Variants in FOXP1 observed in about 807,000 individuals in gnomAD.
FOXP1 encodes forkhead box P1.
FOXP1 carries 15 observed loss-of-function variants against 98.2 expected under a neutral mutation model. The ratio of observed to expected loss-of-function variants is 0.15; its 90% CI spans 0.10 to 0.24. FOXP1 has a LOEUF of 0.24. FOXP1 is among the 10% of genes least tolerant of loss of function. The probability of loss-of-function intolerance (pLI) is 1.00; values close to 1 mark genes in which losing one functional copy is unlikely to be tolerated. For missense variants in FOXP1, 633 were observed against 848.5 expected, an observed-to-expected ratio of 0.75 and a Z score of 3.15; for synonymous variants, 371 against 314.5, an observed-to-expected ratio of 1.18 and a Z score of -1.90.
intron 5 of FOXP1, among the ~76,000 whole-genome samples, chr3:71,282,781 G>A (rs903185029): frequency 9.2e-5 from 14 of 152,038 alleles, no homozygotes; most frequent in Non-Finnish European, 1.8e-4. Flanking sequence ...CATTCTACCC[G>A]TTTCACAGAT....
chr3:71,089,670 GA>G (rs1199636027), intron 7 of FOXP1, among the ~76,000 whole-genome samples: 1 of 152,168 alleles, frequency 6.6e-6, no homozygotes, highest in Non-Finnish European at 1.5e-5. Flanking sequence ...TCCTAGTTAA[GA>G]AAGAGGAACT....
chr3:71,278,389 T>G (rs955869775), intron 5 of FOXP1, among the ~76,000 whole-genome samples: 1 of 152,182 alleles, frequency 6.6e-6, no homozygotes, highest in African/African-American at 2.4e-5. Context: ...AAAGGTGGTC[T>G]ATGGTATCTC....
chr3:71,349,784 G>GA (rs1483439870), intron 4 of FOXP1, among the ~76,000 whole-genome samples: 3 of 151,974 alleles, frequency 2.0e-5, no homozygotes, highest in Non-Finnish European at 4.4e-5. Flanking sequence ...ATTGACAGAG[G>GA]GCTTACCAGG....
chr3:71,152,545 G>A lies in FOXP1; in HGVS notation c.181-39908C>T, dbSNP rs187417412. On this transcript the variant is annotated intron_variant, in intron 6 of 20. Coordinates refer to ENST00000649528, the MANE Select transcript of FOXP1 (RefSeq NM_001349338.3). ...GCTGAGCCCCACCTGAAACCGCTTTGTGGAGGAGGCCCCCAGCGTGTGGGG... is the reference window on the plus strand; with the variant it reads ...GCTGAGCCCCACCTGAAACCGCTTTATGGAGGAGGCCCCCAGCGTGTGGGG... 2.2e-4 allele frequency among the ~76,000 whole-genome samples: 33 copies of A among 152,278 alleles called. No individual in the cohort carries two copies. The East Asian group carries it at 5.4e-3, about 25-fold the overall frequency.
rs543891096 is a variant in FOXP1, at chr3:70,956,691, T to G, written c.*2556A>C. Reference sequence around the variant, plus strand: ...GCACAGGGCCCCCTTCCCATGACCCTGTCTGGCTACTGCCTGCACATCATG... The same window carrying G: ...GCACAGGGCCCCCTTCCCATGACCCGGTCTGGCTACTGCCTGCACATCATG... On this transcript the variant is annotated 3_prime_UTR_variant, in exon 21 of 21. Coordinates refer to ENST00000649528, the MANE Select transcript of FOXP1 (RefSeq NM_001349338.3). The G allele has an allele frequency of 6.0e-6, 1 of 165,908 alleles. No homozygotes were observed. The highest frequency in any genetic ancestry group is 1.2e-5 in the Non-Finnish European group (1 of 80,844). 10.3% of individuals were successfully genotyped at this position (165,908 alleles called of 1,614,324 possible).
chr3:71,078,888 C>T (rs1162560161), intron 7 of FOXP1, among the ~76,000 whole-genome samples: 1 of 152,076 alleles, frequency 6.6e-6, no homozygotes, highest in Non-Finnish European at 1.5e-5. Flanking sequence ...CTAGTGTGAC[C>T]TTTGCTTCTC....
chr3:71,033,436 T>G (rs549287598), intron 11 of FOXP1, among the ~76,000 whole-genome samples: 2 of 152,092 alleles, frequency 1.3e-5, no homozygotes, highest in South Asian at 4.2e-4. Context: ...ATGATGTCAT[T>G]TTATTGGAAA....
intron 7 of FOXP1, among the ~76,000 whole-genome samples, chr3:71,086,929 T>C (rs2055169085): frequency 6.6e-6 from 1 of 152,118 alleles, no homozygotes; most frequent in Admixed American, 6.5e-5. Flanking sequence ...GAGAAAATAA[T>C]GACTTTGGAA....
At chr3:71,035,703 G>T (rs2106762775) in intron 11 of FOXP1, among the ~76,000 whole-genome samples, 1 of 151,970 alleles carries the variant, frequency 6.6e-6, no homozygotes, top group African/African-American at 2.4e-5. Context: ...GGGGAAGAAA[G>T]ATTTAAAATA....
At chr3:71,310,772 T>C (rs1333901340) in intron 4 of FOXP1, among the ~76,000 whole-genome samples, 2 of 152,210 alleles carry the variant, frequency 1.3e-5, no homozygotes, top group Non-Finnish European at 2.9e-5. Context: ...GGAATTCTGC[T>C]AATTGTTTAA....
intron 3 of FOXP1, among the ~76,000 whole-genome samples, chr3:71,437,065 A>G (rs1289141496): frequency 1.3e-5 from 2 of 152,214 alleles, no homozygotes; most frequent in Non-Finnish European, 2.9e-5. Flanking sequence ...GAAAGCTGGC[A>G]TTAACGTTTC....
Position 70,955,963 on chromosome 3 carries a change from A to G in FOXP1, c.*3284T>C, listed in dbSNP as rs550648036. On this transcript the variant is annotated 3_prime_UTR_variant, in exon 21 of 21. Coordinates refer to ENST00000649528, the MANE Select transcript of FOXP1 (RefSeq NM_001349338.3). Reference sequence around the variant, plus strand: ...AAGTTAGGGAGTTTCTCCCTCCCACATGTCAGGAAATGTCATCCAATATTC... The same window carrying G: ...AAGTTAGGGAGTTTCTCCCTCCCACGTGTCAGGAAATGTCATCCAATATTC... 2 of 233,160 alleles carry G rather than the reference A, an allele frequency of 8.6e-6. No homozygotes were observed. Among genetic ancestry groups the G allele is most frequent in the Admixed American group, 5.6e-5 (1 of 17,780 alleles). The allele number at this position is 233,160 out of a possible 1,614,324, so 14.4% of individuals were successfully genotyped here.
rs2108382290 is a variant in FOXP1 at position 71,198,344 on chromosome 3, C to A, written c.38G>T (p.Gly13Val). The A allele has an allele frequency of 6.2e-7, 1 of 1,609,024 alleles. No homozygotes were observed. The highest frequency in any genetic ancestry group is 8.5e-7 in the Non-Finnish European group (1 of 1,177,604). Residue 13 changes from glycine to valine, a missense_variant, in exon 6 of 21, where the codon GGT becomes GTT. By Grantham distance (109) the Gly-to-Val change is moderately radical. This residue lies in a region of FOXP1 where 103 missense variants were observed against 85.5 expected (regional missense o/e 1.20). Coordinates refer to ENST00000649528, the MANE Select transcript of FOXP1 (RefSeq NM_001349338.3). ...GCCCGACCCATTCTGGATGGCTGAA[C>A]CGTTACTTTTTGTCTCAGTCCCAGA... ...QESGTETKSN[G>V]SAIQNGSGGS...
At chr3:71,252,090 T>A (rs180806524) in intron 5 of FOXP1, among the ~76,000 whole-genome samples, 3 of 139,960 alleles carry the variant, frequency 2.1e-5, no homozygotes, top group East Asian at 2.0e-4. Flanking sequence ...GGAAAATGAC[T>A]TTTTTTCTTC....
chr3:71,243,203 C>G (rs2067433220), intron 5 of FOXP1, among the ~76,000 whole-genome samples: 1 of 152,178 alleles, frequency 6.6e-6, no homozygotes, highest in Non-Finnish European at 1.5e-5. Context: ...GACTCAGAAC[C>G]TTCCACTCAG....
intron 5 of FOXP1, among the ~76,000 whole-genome samples, chr3:71,249,838 A>C (rs1455594113): frequency 6.6e-6 from 1 of 152,230 alleles, no homozygotes; most frequent in Admixed American, 6.5e-5. Context: ...CTTCAGCCTC[A>C]GCAGCATCAG....
chr3:71,378,821 G>A (rs2079925576), intron 3 of FOXP1, among the ~76,000 whole-genome samples: 1 of 151,912 alleles, frequency 6.6e-6, no homozygotes, highest in South Asian at 2.1e-4. Context: ...ATGTATGTAT[G>A]TATAGGAAAA....
intron 4 of FOXP1, among the ~76,000 whole-genome samples, chr3:71,301,059 T>C (rs2073803343): frequency 6.6e-6 from 1 of 152,156 alleles, no homozygotes; most frequent in South Asian, 2.1e-4. Context: ...GCCATTAAGA[T>C]TGGAAAAAGA....
chr3:71,544,255 T>C (rs933194970), intron 2 of FOXP1, among the ~76,000 whole-genome samples: 1 of 151,604 alleles, frequency 6.6e-6, no homozygotes, highest in African/African-American at 2.4e-5. Context: ...AATCCAGTTA[T>C]AAAATATGTA....
Sources: allele counts gnomAD v4.1 joint callset (sites outside exome capture counted in the v4.1 genomes callset), GRCh38; gene constraint gnomAD v4.1.1; regional missense constraint gnomAD v4.1.1; transcripts MANE v1.5; gene names NCBI Gene and HGNC (gene_info 2026-07-23, HGNC 2026-07-21).